Variants in SYBU observed in about 807,000 individuals in gnomAD.
SYBU encodes the protein syntabulin, also known as GOLSYN A protein.
A neutral mutation model predicts 35.9 loss-of-function variants in SYBU; 21 were observed. The observed-to-expected ratio is 0.58, with a 90% CI of 0.41 to 0.84. The LOEUF (loss-of-function observed/expected upper bound fraction) is 0.84, where lower values mean the gene tolerates loss of function less well. Ranked by LOEUF, SYBU falls within the 40% of genes least tolerant of loss-of-function variation. The probability of loss-of-function intolerance (pLI) is 0.00; values close to 1 mark genes in which losing one functional copy is unlikely to be tolerated. For missense variants in SYBU, 768 were observed against 848.2 expected, an observed-to-expected ratio of 0.91 and a Z score of 1.17; for synonymous variants, 319 against 324.3, an observed-to-expected ratio of 0.98 and a Z score of 0.18.
At chr8:109,597,809 A>G (rs1297498847) in intron 3 of SYBU, among the ~76,000 whole-genome samples, 1 of 152,234 alleles carries the variant, frequency 6.6e-6, no homozygotes, top group East Asian at 1.9e-4. Flanking sequence ...ATTTTTATCT[A>G]AGCATCTATG....
chr8:109,575,336 G>A lies in SYBU; in HGVS notation c.1562C>T (p.Pro521Leu). The A allele has an allele frequency of 3.1e-6, 5 of 1,614,214 alleles. No homozygotes were observed. The highest frequency in any genetic ancestry group is 3.4e-6 in the Non-Finnish European group (4 of 1,180,042). ...QDPCPSSLAS[P>L]DESEPDSMES... ...CATCGAGTCTGGTTCAGACTCATCAGGGGACGCCAAGCTCGAGGGACAGGG... is the reference window on the plus strand; with the variant it reads ...CATCGAGTCTGGTTCAGACTCATCAAGGGACGCCAAGCTCGAGGGACAGGG... The change falls in exon 7 of 7, where the codon CCT (proline) becomes CTT (leucine). Residue 521 changes from proline (P) to leucine (L), a missense_variant. Pro to Leu is a moderately conservative substitution (Grantham distance 98). Coordinates refer to ENST00000276646, the MANE Select transcript of SYBU (RefSeq NM_001099754.2).
At chr8:109,618,752 C>T (rs940950463) in intron 3 of SYBU, 90 bp downstream of exon 3, 4 of 1,192,900 alleles carry the variant, frequency 3.4e-6, no homozygotes, top group Middle Eastern at 2.7e-4. Context: ...ATTTGTGATC[C>T]CCGACTCGAT....
In SYBU at chr8:109,573,990, C is replaced by T. The variant is rs1821938996; in HGVS notation, c.*916G>A. 6.6e-6 allele frequency: 1 copy of T among 152,086 alleles called. No homozygotes were observed. The highest frequency in any genetic ancestry group is 1.5e-5 in the Non-Finnish European group (1 of 67,978). 9.4% of individuals were successfully genotyped at this position (152,086 alleles called of 1,614,324 possible). Reference sequence around the variant, plus strand: ...AGTGTATGGGCAATTTAAAAGTAAACAAATCTACTTTTATTCAGAAATGAT... The same window carrying T: ...AGTGTATGGGCAATTTAAAAGTAAATAAATCTACTTTTATTCAGAAATGAT... On this transcript the variant is annotated 3_prime_UTR_variant, in exon 7 of 7. Transcript: ENST00000276646.
chr8:109,582,430 C>T (rs1473169292), intron 4 of SYBU, among the ~76,000 whole-genome samples: 1 of 152,122 alleles, frequency 6.6e-6, no homozygotes, highest in Non-Finnish European at 1.5e-5. Flanking sequence ...CTGTGAAACC[C>T]AATGCTGTCC....
chr8:109,585,848 A>G, intron 4 of SYBU: 1 of 559,364 alleles, frequency 1.8e-6, no homozygotes, highest in South Asian at 2.1e-5. Context: ...GGAGACAGCC[A>G]TGGATGTACA....
intron 1 of SYBU, among the ~76,000 whole-genome samples, chr8:109,661,675 C>T (rs1031668740): frequency 5.3e-5 from 8 of 152,150 alleles, no homozygotes; most frequent in South Asian, 2.1e-4. Context: ...ATGAACTCTT[C>T]ATTAGCAAGA....
chr8:109,576,046 A>AC (rs1822258404), intron 6 of SYBU, 33 bp from the exon 7 acceptor site: 1 of 829,294 alleles, frequency 1.2e-6, no homozygotes, highest in Non-Finnish European at 1.5e-6. Context: ...GTTAATTAAA[A>AC]AAAAAAAAAA....
chr8:109,668,199 A>AGAGAGAGAGAGAGAGAGAGAGAGAGAGG (rs1563773456), intron 1 of SYBU, among the ~76,000 whole-genome samples: 11 of 150,590 alleles, frequency 7.3e-5, no homozygotes, highest in African/African-American at 2.2e-4. Context: ...AGAGAGAGAG[A>AGAGAGAGAGAGAGAGAGAGAGAGAGAGG]GAGACTTTTA....
In SYBU at chr8:109,575,411, C is replaced by T. The variant is rs563748833; in HGVS notation, c.1487G>A (p.Ser496Asn). 7.4e-6 allele frequency: 12 copies of T among 1,614,100 alleles called. No homozygotes were observed. The East Asian group carries it at 1.8e-4, about 24-fold the overall frequency. Reference protein sequence around the residue: ...RAVQTDVVPYSPAISELIQSV... With the variant: ...RAVQTDVVPYNPAISELIQSV... ...CTGAATGAGCTCTGAGATGGCTGGG[C>T]TGTAGGGCACCACGTCGGTCTGAAC... Residue 496 changes from serine (S) to asparagine (N), a missense_variant, in exon 7 of 7, where the codon AGC becomes AAC. By Grantham distance (46) the Ser-to-Asn change is conservative. Coordinates refer to ENST00000276646, the MANE Select transcript of SYBU (RefSeq NM_001099754.2).
chr8:109,655,603 T>C (rs1816322502), intron 1 of SYBU, among the ~76,000 whole-genome samples: 1 of 152,214 alleles, frequency 6.6e-6, no homozygotes, highest in Non-Finnish European at 1.5e-5. Flanking sequence ...ATTCAAAGAA[T>C]ACTCTTTGAA....
At chr8:109,678,616 T>A (rs1447723313) in intron 1 of SYBU, among the ~76,000 whole-genome samples, 4 of 151,890 alleles carry the variant, frequency 2.6e-5, no homozygotes, top group African/African-American at 9.7e-5. Flanking sequence ...AATTTTTGTA[T>A]TTTTAGTAGA....
At chr8:109,610,973 C>T (rs1811103696) in intron 3 of SYBU, among the ~76,000 whole-genome samples, 1 of 152,194 alleles carries the variant, frequency 6.6e-6, no homozygotes, top group Non-Finnish European at 1.5e-5. Context: ...TGCAGTCAGT[C>T]TCTTCAATAA....
chr8:109,668,084 C>T (rs1816821431), intron 1 of SYBU, among the ~76,000 whole-genome samples: 1 of 138,854 alleles, frequency 7.2e-6, no homozygotes, highest in Non-Finnish European at 1.5e-5. Flanking sequence ...ATTAAGCAAA[C>T]ACAAGTCACA....
chr8:109,662,967 C>T (rs906266793), intron 1 of SYBU, among the ~76,000 whole-genome samples: 2 of 151,988 alleles, frequency 1.3e-5, no homozygotes, highest in African/African-American at 2.4e-5. Context: ...AGATGCACAC[C>T]GTTGATCAAT....
chr8:109,644,877 G>A, upstream of SYBU: 1 of 564,980 alleles, frequency 1.8e-6, no homozygotes, highest in Non-Finnish European at 3.1e-6. Flanking sequence ...TGCCGCACTC[G>A]CTAGAGGCAG....
upstream of SYBU, among the ~76,000 whole-genome samples, chr8:109,681,477 A>AG (rs1197803038): frequency 1.3e-5 from 2 of 152,194 alleles, no homozygotes; most frequent in African/African-American, 4.8e-5. Flanking sequence ...CATTGTACAG[A>AG]GGGAATGTAA....
chr8:109,659,738 T>G (rs1241417921), intron 1 of SYBU, among the ~76,000 whole-genome samples: 1 of 152,152 alleles, frequency 6.6e-6, no homozygotes, highest in Non-Finnish European at 1.5e-5. Flanking sequence ...CCCCCAAATC[T>G]TATAGGTCTT....
At chr8:109,600,821 A>G (rs945008713) in intron 3 of SYBU, among the ~76,000 whole-genome samples, 1 of 152,180 alleles carries the variant, frequency 6.6e-6, no homozygotes, top group African/African-American at 2.4e-5. Flanking sequence ...GGCCACATAC[A>G]TCACATATTT....
chr8:109,624,875 T>C (rs7828939), intron 2 of SYBU, among the ~76,000 whole-genome samples: 10 of 152,342 alleles, frequency 6.6e-5, no homozygotes, highest in Admixed American at 6.5e-4. Flanking sequence ...ATATTGTCTA[T>C]GGTGGCTTTC....
Sources: allele counts gnomAD v4.1 joint callset (sites outside exome capture counted in the v4.1 genomes callset), GRCh38; gene constraint gnomAD v4.1.1; transcripts MANE v1.5; gene names NCBI Gene and HGNC (gene_info 2026-07-23, HGNC 2026-07-21).